CACHD1: variants seen among roughly 807,000 people sequenced by gnomAD.
CACHD1 encodes cache domain containing 1.
In CACHD1, 71 loss-of-function variants were observed where a neutral mutation model predicts 138.7. The ratio of observed to expected loss-of-function variants is 0.51; its 90% CI spans 0.42 to 0.62. The LOEUF is 0.62. Ranked by LOEUF, CACHD1 falls within the 20% of genes least tolerant of loss-of-function variation. The probability of loss-of-function intolerance (pLI) is 0.00; values close to 1 mark genes in which losing one functional copy is unlikely to be tolerated. For missense variants in CACHD1, 1,389 were observed against 1,625.3 expected, an observed-to-expected ratio of 0.85 and a Z score of 2.50; for synonymous variants, 578 against 591.5, an observed-to-expected ratio of 0.98 and a Z score of 0.33.
intron 4 of CACHD1, among the ~76,000 whole-genome samples, chr1:64,627,859 A>G (rs12022915): frequency 0.14 from 21,496 of 152,124 alleles, 1,929 homozygotes; most frequent in African/African-American, 0.25. Flanking sequence ...TACGGGGGAC[A>G]AGGCCAACCA....
At chr1:64,488,123 A>G (rs1462560246) in intron 1 of CACHD1, among the ~76,000 whole-genome samples, 1 of 152,202 alleles carries the variant, frequency 6.6e-6, no homozygotes, top group African/African-American at 2.4e-5. Flanking sequence ...TGGTTTTTAA[A>G]CAGCCTGCAA....
At chr1:64,610,516 G>T (rs1647492325) in intron 4 of CACHD1, among the ~76,000 whole-genome samples, 1 of 152,228 alleles carries the variant, frequency 6.6e-6, no homozygotes, top group Admixed American at 6.5e-5. Flanking sequence ...CCCCATGCAA[G>T]TCGAAAATCA....
chr1:64,675,540 G>A lies in CACHD1; in HGVS notation c.2867G>A (p.Arg956Gln). 2 of 1,610,660 alleles carry A rather than the reference G, an allele frequency of 1.2e-6. No homozygotes were observed. Among genetic ancestry groups the A allele is most frequent in the Non-Finnish European group, 1.7e-6 (2 of 1,177,144 alleles). Residue 956 changes from arginine (R) to glutamine (Q), a missense_variant, in exon 20 of 27, where the codon CGA becomes CAA. Transcript: ENST00000651257. The part of the protein sequence containing the change: ...LAFCACSMVD[R>Q]LCLNCHRMEQ... ...TTCTGTGCCTGCAGCATGGTGGACC[G>A]ACTCTGTCTCAACTGTCACCGGTAA...
intron 4 of CACHD1, among the ~76,000 whole-genome samples, chr1:64,607,102 G>T (rs1449012708): frequency 6.6e-6 from 1 of 152,124 alleles, no homozygotes; most frequent in East Asian, 1.9e-4. Context: ...AAATCATGAG[G>T]CTCATTTAGA....
At chr1:64,484,163 G>A (rs936351142) in intron 1 of CACHD1, among the ~76,000 whole-genome samples, 1 of 151,972 alleles carries the variant, frequency 6.6e-6, no homozygotes, top group Non-Finnish European at 1.5e-5. Context: ...AAGGGTTAGC[G>A]GGAGCGACAA....
chr1:64,614,066 G>A (rs994641537), intron 4 of CACHD1, among the ~76,000 whole-genome samples: 45 of 152,048 alleles, frequency 3.0e-4, no homozygotes, highest in African/African-American at 1.1e-3. Flanking sequence ...ACCATTTTCC[G>A]CTCAGTACTT....
At chr1:64,550,565 A>C in intron 1 of CACHD1, 29 bp from the exon 2 acceptor site, 1 of 1,538,368 alleles carries the variant, frequency 6.5e-7, no homozygotes, top group Non-Finnish European at 9.0e-7. Flanking sequence ...TATTTAGAAA[A>C]TCTCATGTTC....
At chr1:64,588,890 G>A (rs1399585638) in intron 3 of CACHD1, among the ~76,000 whole-genome samples, 1 of 152,108 alleles carries the variant, frequency 6.6e-6, no homozygotes, top group Non-Finnish European at 1.5e-5. Flanking sequence ...TCTCCAAGTG[G>A]GGTTCAGTGC....
chr1:64,632,836 T>C (rs1557529342), intron 6 of CACHD1, 93 bp downstream of exon 6: 3 of 1,403,028 alleles, frequency 2.1e-6, no homozygotes, highest in East Asian at 4.6e-5. Flanking sequence ...CAGATCCTCC[T>C]TGACTTACAA....
chr1:64,599,265 A>C (rs1380134862), intron 3 of CACHD1, among the ~76,000 whole-genome samples: 2 of 152,230 alleles, frequency 1.3e-5, no homozygotes, highest in Non-Finnish European at 2.9e-5. Flanking sequence ...AATCTTAAAA[A>C]AAATCTATAT....
chr1:64,651,240 TAAA>T (rs1183080600), intron 9 of CACHD1, among the ~76,000 whole-genome samples: 1 of 152,132 alleles, frequency 6.6e-6, no homozygotes, highest in Non-Finnish European at 1.5e-5. Context: ...ACCCCTTACA[TAAA>T]AATTTAGGAA....
chr1:64,475,171 C>CTTT (rs3078373), intron 1 of CACHD1, among the ~76,000 whole-genome samples: 69,422 of 123,936 alleles, frequency 0.56, 22,239 homozygotes, highest in Non-Finnish European at 0.7. Context: ...AAATTCCTTC[C>CTTT]TTTTTTTTTT....
intron 5 of CACHD1, among the ~76,000 whole-genome samples, chr1:64,630,919 G>A (rs1318146507): frequency 6.6e-6 from 1 of 152,110 alleles, no homozygotes; most frequent in Non-Finnish European, 1.5e-5. Flanking sequence ...CTTTTCCCTT[G>A]GCTAAATGAT....
chr1:64,633,925 T>C lies in CACHD1; in HGVS notation c.790-119T>C, dbSNP rs1648405215. The C allele has an allele frequency of 4.3e-6, 3 of 692,976 alleles. No individual in the cohort carries two copies. In the South Asian group the frequency reaches 6.2e-5, roughly 14 times the overall value. 42.9% of individuals were successfully genotyped at this position (692,976 alleles called of 1,614,324 possible). A position where few individuals can be genotyped will look rare whatever the true frequency, so the allele number is the denominator to read the frequency against. On this transcript the variant is annotated intron_variant, in intron 6 of 26. Transcript: ENST00000651257. ...TGGCTCCAGGGATTTATTTTGAAAC[T>C]CTCAGAATCTGTTCTGTAGGCCTTC...
chr1:64,645,677 A>G lies in CACHD1; in HGVS notation c.1157-2124A>G, dbSNP rs186368004. Among the ~76,000 whole-genome samples, 184 of 152,294 alleles carry G rather than the reference A, an allele frequency of 1.2e-3. 1 individual carries two copies. Among genetic ancestry groups the G allele is most frequent in the Non-Finnish European group, 1.6e-3 (106 of 68,024 alleles). ...GAAGATTACTTAGGAGACCTGGTGT[A>G]GAAGTCCATGGAAGGTTGTTGGCTT... On this transcript the variant is annotated intron_variant, in intron 8 of 26. Transcript: ENST00000651257.
Position 64,566,491 on chromosome 1 carries a change from A to AC in CACHD1, c.262-15664dup, listed in dbSNP as rs1267716836. Among the ~76,000 whole-genome samples, 29 of 115,966 alleles carry AC rather than the reference A, an allele frequency of 2.5e-4. 4 individuals carry two copies. Among genetic ancestry groups the AC allele is most frequent in the Admixed American group, 8.3e-4 (8 of 9,642 alleles). 76.1% of individuals were successfully genotyped at this position (115,966 alleles called of 152,430 possible). On this transcript the variant is annotated intron_variant, in intron 2 of 26. Transcript: ENST00000651257. The stretch of plus-strand genomic sequence containing the variant: ...GTATGTTTTCAATTCCCCCCCCCCC[A>AC]CAAGGTATGGGGGAAGTACTGCCTG...
At chr1:64,586,272 C>T (rs539136005) in intron 3 of CACHD1, among the ~76,000 whole-genome samples, 27 of 152,310 alleles carry the variant, frequency 1.8e-4, no homozygotes, top group Admixed American at 4.6e-4. Flanking sequence ...CCATTTTGGC[C>T]AGGCTGGTCT....
chr1:64,541,097 G>A (rs1381453058), intron 1 of CACHD1, among the ~76,000 whole-genome samples: 1 of 152,142 alleles, frequency 6.6e-6, no homozygotes, highest in East Asian at 1.9e-4. Flanking sequence ...TGAGAGAAGG[G>A]GAACATTTTT....
At position 64,679,587 on chromosome 1, in the gene CACHD1, C is replaced by T; in HGVS notation, c.3245-8C>T. 1 of 1,613,212 alleles carries T rather than the reference C, an allele frequency of 6.2e-7. No homozygotes were observed. The highest frequency in any genetic ancestry group is 8.5e-7 in the Non-Finnish European group (1 of 1,179,694). On this transcript the variant is annotated splice_region_variant and splice_polypyrimidine_tract_variant and intron_variant, in intron 23 of 26. Transcript: ENST00000651257. The stretch of plus-strand genomic sequence containing the variant: ...AACAAGAAACATCTTCTTGCTCTTT[C>T]ACTGAAGGTGATGAGGTGATCACAT...
Sources: allele counts gnomAD v4.1 joint callset (sites outside exome capture counted in the v4.1 genomes callset), GRCh38; gene constraint gnomAD v4.1.1; transcripts MANE v1.5; gene names NCBI Gene and HGNC (gene_info 2026-07-23, HGNC 2026-07-21).